FREM1: variants seen among roughly 807,000 people sequenced by gnomAD.
FREM1 encodes the protein FRAS1 related extracellular matrix 1.
In FREM1, 220 loss-of-function variants were observed where a neutral mutation model predicts 210.1. That is an observed-to-expected ratio of 1.05 (90% CI 0.94 to 1.17). FREM1 has a LOEUF of 1.17. Ranked by LOEUF, FREM1 falls within the 50% of genes most tolerant of loss-of-function variation. FREM1 has a pLI of 0.00. For synonymous variants in FREM1, 1,189 were observed against 980.2 expected, an observed-to-expected ratio of 1.21 and a Z score of -3.98; for missense variants, 3,454 against 2,675.5, an observed-to-expected ratio of 1.29 and a Z score of -6.42.
intron 1 of FREM1, among the ~76,000 whole-genome samples, chr9:14,883,814 C>T (rs1835262221): frequency 6.6e-6 from 1 of 152,192 alleles, no homozygotes; most frequent in Admixed American, 6.5e-5. Flanking sequence ...TCCATCTGTC[C>T]ACAGCTTGCT....
intron 1 of FREM1, among the ~76,000 whole-genome samples, chr9:14,889,977 G>A (rs916004211): frequency 6.6e-6 from 1 of 152,180 alleles, no homozygotes; most frequent in Non-Finnish European, 1.5e-5. Flanking sequence ...TGGTAAACTG[G>A]GGGAAAGTGA....
intron 10 of FREM1, among the ~76,000 whole-genome samples, chr9:14,828,648 G>GGGGGGGGC (rs1564023201): frequency 7.8e-6 from 1 of 127,768 alleles, no homozygotes; most frequent in African/African-American, 3.1e-5. Context: ...CGGGGCGGGG[G>GGGGGGGGC]AGGTGCCGGG....
At chr9:14,795,932 C>T (rs1852289158) in intron 21 of FREM1, among the ~76,000 whole-genome samples, 1 of 152,018 alleles carries the variant, frequency 6.6e-6, no homozygotes, top group Non-Finnish European at 1.5e-5. Context: ...ATGAGATCAT[C>T]AAAAAGGAGG....
In FREM1 at chr9:14,801,373, C is replaced by T. The variant is rs149443131; in HGVS notation, c.3694+279G>A. 3.0e-3 allele frequency among the ~76,000 whole-genome samples: 458 copies of T among 152,274 alleles called. 1 individual carries two copies. The highest frequency in any genetic ancestry group is 0.01 in the Middle Eastern group (3 of 294). ...TACTCATTTTTTTGATTGGTGAGAA[C>T]TCTTAAAATCTACTGTCTTAGGAAT... On this transcript the variant is annotated intron_variant, in intron 20 of 36. Transcript: ENST00000380880.
chr9:14,861,078 CATATATACACAT>C (rs1830257856), intron 3 of FREM1, among the ~76,000 whole-genome samples: 3 of 108,082 alleles, frequency 2.8e-5, no homozygotes, highest in Admixed American at 2.1e-4. Flanking sequence ...TACATATATA[CATATATACACAT>C]ATATATAAAC....
chr9:14,895,086 A>G (rs997292248), intron 1 of FREM1, among the ~76,000 whole-genome samples: 1 of 152,198 alleles, frequency 6.6e-6, no homozygotes, highest in Non-Finnish European at 1.5e-5. Context: ...CCTCAGGAGG[A>G]GAGGAATTTA....
intron 10 of FREM1, among the ~76,000 whole-genome samples, chr9:14,826,888 C>T (rs1445912873): frequency 6.6e-6 from 1 of 152,204 alleles, no homozygotes; most frequent in Non-Finnish European, 1.5e-5. Context: ...AGACACAAAA[C>T]ATGCTGGCAA....
intron 6 of FREM1, among the ~76,000 whole-genome samples, chr9:14,850,821 G>T (rs1182231358): frequency 6.6e-6 from 1 of 152,222 alleles, no homozygotes; most frequent in Non-Finnish European, 1.5e-5. Flanking sequence ...GAAGGCTGCT[G>T]CAGTTCTCAA....
chr9:14,828,093 T>C (rs962848544), intron 10 of FREM1, among the ~76,000 whole-genome samples: 2 of 152,146 alleles, frequency 1.3e-5, no homozygotes, highest in African/African-American at 4.8e-5. Context: ...AGCAGAGCCA[T>C]GGGGTCAGGG....
At chr9:14,886,347 C>A (rs963678868) in intron 1 of FREM1, among the ~76,000 whole-genome samples, 1 of 121,924 alleles carries the variant, frequency 8.2e-6, no homozygotes, top group East Asian at 3.0e-4. Flanking sequence ...GATCGTGCCA[C>A]TGCACTCCAG....
At chr9:14,857,862 C>T (rs945584688) in intron 4 of FREM1, 113 bp from the exon 5 acceptor site, 17 of 623,956 alleles carry the variant, frequency 2.7e-5, no homozygotes, top group South Asian at 2.0e-4. Context: ...CTCAGGAACA[C>T]TCATGTACCT....
chr9:14,741,425 A>G (rs1716877725), intron 35 of FREM1, among the ~76,000 whole-genome samples: 1 of 152,194 alleles, frequency 6.6e-6, no homozygotes, highest in Non-Finnish European at 1.5e-5. Flanking sequence ...TAGATATATA[A>G]GGCTCTTTGC....
intron 1 of FREM1, among the ~76,000 whole-genome samples, chr9:14,878,205 A>G (rs896213231): frequency 1.4e-4 from 22 of 152,170 alleles, no homozygotes; most frequent in Non-Finnish European, 8.8e-5. Flanking sequence ...AGAAGACAGT[A>G]TGTGATCTGT....
intron 21 of FREM1, among the ~76,000 whole-genome samples, chr9:14,795,880 G>A (rs577984536): frequency 2.6e-5 from 4 of 152,150 alleles, no homozygotes; most frequent in South Asian, 2.1e-4. Flanking sequence ...TGGATGCCCC[G>A]GGGCCCTCAC....
intron 23 of FREM1, among the ~76,000 whole-genome samples, chr9:14,786,782 A>C (rs1850485832): frequency 6.6e-6 from 1 of 152,222 alleles, no homozygotes; most frequent in Non-Finnish European, 1.5e-5. Flanking sequence ...CCTACGTAGA[A>C]TCAAAGACCA....
Position 14,748,525 on chromosome 9 carries a change from T to C in FREM1, c.5672A>G (p.His1891Arg), listed in dbSNP as rs1443474481. The change falls in exon 31 of 37, where the codon CAT (histidine) becomes CGT (arginine). Residue 1891 changes from histidine (H) to arginine (R), a missense_variant. Physicochemically the swap from His to Arg is conservative, Grantham distance 29. Transcript: ENST00000380880. ...SSSSTTSGSF[H>R]LERRPLPSSM... ...AGATGGAAGAGGTCTTCTTTCCAGATGAAAGGAACCAGAAGTGGTGGATGA... is the reference window on the plus strand; with the variant it reads ...AGATGGAAGAGGTCTTCTTTCCAGACGAAAGGAACCAGAAGTGGTGGATGA... 1 of 1,613,716 alleles carries C rather than the reference T, an allele frequency of 6.2e-7. No individual in the cohort carries two copies. Among genetic ancestry groups the C allele is most frequent in the Admixed American group, 1.7e-5 (1 of 59,996 alleles).
At position 14,776,146 on chromosome 9, in the gene FREM1, C is replaced by A; in HGVS notation, c.4500G>T (p.Glu1500Asp). The part of the protein sequence containing the change: ...TEHGVFEITL[E>D]TVDRALPVVT... ...CCACAGGCAGGGCTCTGTCCACAGT[C>A]TCCAGTGTGATCTCAAACACCCCGT... The change falls in exon 25 of 37, where the codon GAG becomes GAT. Residue 1500 changes from glutamate to aspartate, a missense_variant. Transcript: ENST00000380880. 6.4e-7 allele frequency: 1 copy of A among 1,564,888 alleles called. No homozygotes were observed. The highest frequency in any genetic ancestry group is 1.2e-5 in the South Asian group (1 of 82,346).
intron 15 of FREM1, 75 bp downstream of exon 15, chr9:14,816,703 C>A: frequency 1.5e-6 from 1 of 673,020 alleles, no homozygotes; most frequent in South Asian, 7.0e-5. Flanking sequence ...TATAAATTAC[C>A]CAGTCTGTAG....
intron 11 of FREM1, among the ~76,000 whole-genome samples, chr9:14,824,588 G>A (rs1821989402): frequency 6.6e-6 from 1 of 152,172 alleles, no homozygotes; most frequent in Non-Finnish European, 1.5e-5. Context: ...GACACTACAA[G>A]CTGCAGATCA....
Sources: allele counts gnomAD v4.1 joint callset (sites outside exome capture counted in the v4.1 genomes callset), GRCh38; gene constraint gnomAD v4.1.1; transcripts MANE v1.5; gene names NCBI Gene and HGNC (gene_info 2026-07-23, HGNC 2026-07-21).